The following CDH4 variants were observed in gnomAD, a reference collection of about 807,000 sequenced individuals.
CDH4 encodes cadherin 4.
A neutral mutation model predicts 86.0 loss-of-function variants in CDH4; 33 were observed. The observed-to-expected ratio is 0.38, with a 90% CI of 0.29 to 0.51. The LOEUF is 0.51. CDH4 is among the 20% of genes least tolerant of loss of function. The probability of loss-of-function intolerance (pLI) is 0.86; values close to 1 mark genes in which losing one functional copy is unlikely to be tolerated. For synonymous variants in CDH4, 555 were observed against 549.4 expected, an observed-to-expected ratio of 1.01 and a Z score of -0.14; for missense variants, 1,114 against 1,307.4, an observed-to-expected ratio of 0.85 and a Z score of 2.28.
chr20:61,693,262 G>A (rs986514825), intron 2 of CDH4, among the ~76,000 whole-genome samples: 1 of 150,718 alleles, frequency 6.6e-6, no homozygotes, highest in Non-Finnish European at 1.5e-5. Flanking sequence ...GGGCCACGTC[G>A]GGCCTGTTCC....
intron 9 of CDH4, among the ~76,000 whole-genome samples, chr20:61,920,079 A>ATTGGAAGCGTGGTGTTG (rs2054955565): frequency 3.2e-4 from 1 of 3,144 alleles, no homozygotes; most frequent in Non-Finnish European, 7.6e-4. Flanking sequence ...GCGTGGTGTC[A>ATTGGAAGCGTGGTGTTG]CGGTGATTGC....
chr20:61,334,272 G>C (rs1478151532), intron 2 of CDH4, among the ~76,000 whole-genome samples: 1 of 152,110 alleles, frequency 6.6e-6, no homozygotes, highest in East Asian at 1.9e-4. Context: ...TCCTATTTTT[G>C]TGGTGTCTCA....
chr20:61,809,094 C>T (rs375402529), intron 4 of CDH4, among the ~76,000 whole-genome samples: 36 of 152,344 alleles, frequency 2.4e-4, no homozygotes, highest in African/African-American at 8.4e-4. Flanking sequence ...GCTGCAGGCA[C>T]GTGGCCAGGG....
At chr20:61,740,264 G>A (rs1233281595) in intron 2 of CDH4, among the ~76,000 whole-genome samples, 11 of 152,162 alleles carry the variant, frequency 7.2e-5, no homozygotes, top group Non-Finnish European at 1.6e-4. Context: ...ATAGGATATG[G>A]GGAGGAGTCC....
chr20:61,438,243 A>T (rs6061997), intron 2 of CDH4, among the ~76,000 whole-genome samples: 25,911 of 151,912 alleles, frequency 0.17, 2,285 homozygotes, highest in African/African-American at 0.18. Context: ...ATTGTTTTTT[A>T]AAAAAAATTA....
chr20:61,314,089 C>T (rs2084462950), intron 2 of CDH4, among the ~76,000 whole-genome samples: 1 of 152,234 alleles, frequency 6.6e-6, no homozygotes, highest in African/African-American at 2.4e-5. Flanking sequence ...CAGTTCACAT[C>T]TCCATCACTT....
At chr20:61,844,177 C>T (rs939814903) in intron 4 of CDH4, among the ~76,000 whole-genome samples, 2 of 152,208 alleles carry the variant, frequency 1.3e-5, no homozygotes, top group African/African-American at 4.8e-5. Flanking sequence ...TTTCCTCCCC[C>T]AGTTAGCAGC....
chr20:61,531,733 G>A (rs1029293284), intron 2 of CDH4, among the ~76,000 whole-genome samples: 1 of 152,200 alleles, frequency 6.6e-6, no homozygotes, highest in Non-Finnish European at 1.5e-5. Flanking sequence ...CAGGGGCCAC[G>A]GATTGGCTTT....
At chr20:61,493,431 T>G (rs1219393839) in intron 2 of CDH4, among the ~76,000 whole-genome samples, 2 of 152,374 alleles carry the variant, frequency 1.3e-5, no homozygotes, top group East Asian at 3.9e-4. Flanking sequence ...TCATCACCTC[T>G]GTTGCCCCAT....
intron 4 of CDH4, among the ~76,000 whole-genome samples, chr20:61,776,773 C>G (rs2145991640): frequency 6.6e-6 from 1 of 152,340 alleles, no homozygotes; most frequent in African/African-American, 2.4e-5. Context: ...GGATGAGCGT[C>G]TCGGGACTGG....
chr20:61,411,371 C>T (rs2085118529), intron 2 of CDH4, among the ~76,000 whole-genome samples: 1 of 149,418 alleles, frequency 6.7e-6, no homozygotes, highest in Non-Finnish European at 1.5e-5. Flanking sequence ...CTGCCTCAGT[C>T]ACTCCCTCAT....
At chr20:61,824,020 G>A (rs778806800) in intron 4 of CDH4, among the ~76,000 whole-genome samples, 1 of 152,148 alleles carries the variant, frequency 6.6e-6, no homozygotes, top group Non-Finnish European at 1.5e-5. Flanking sequence ...TATTTTGTTT[G>A]CCACTGTTAA....
At chr20:61,906,830 G>A (rs1332014172) in intron 8 of CDH4, among the ~76,000 whole-genome samples, 2 of 152,182 alleles carry the variant, frequency 1.3e-5, no homozygotes, top group Non-Finnish European at 2.9e-5. Context: ...CCAGTGGTGT[G>A]TGCTGTGGGG....
intron 2 of CDH4, among the ~76,000 whole-genome samples, chr20:61,553,596 T>C (rs2086151975): frequency 1.3e-5 from 2 of 152,246 alleles, no homozygotes; most frequent in African/African-American, 4.8e-5. Context: ...AGGGAATGCC[T>C]GCACCCTGCT....
At chr20:61,508,354 C>A (rs1006192989) in intron 2 of CDH4, among the ~76,000 whole-genome samples, 1 of 152,218 alleles carries the variant, frequency 6.6e-6, no homozygotes, top group African/African-American at 2.4e-5. Context: ...GTGACCGGGG[C>A]CACTTCTCGT....
rs944796689 is a variant in CDH4 at position 61,754,188 on chromosome 20, C to T, written c.396+10399C>T. On this transcript the variant is annotated intron_variant, in intron 3 of 15. Coordinates refer to ENST00000614565, the MANE Select transcript of CDH4 (RefSeq NM_001794.5). The surrounding 1 kb of genome is among the most constrained non-coding windows in gnomAD (Gnocchi z 4.7). ...GCTGCAACATCTTGATTTTGGACTT[C>T]TGGCCTCCAGAGCTGTTAAGGGAAT... 1.3e-5 allele frequency among the ~76,000 whole-genome samples: 2 copies of T among 152,194 alleles called. No homozygotes were observed. Among genetic ancestry groups the T allele is most frequent in the Admixed American group, 6.5e-5 (1 of 15,288 alleles).
At chr20:61,336,494 A>G (rs1251861462) in intron 2 of CDH4, among the ~76,000 whole-genome samples, 1 of 151,770 alleles carries the variant, frequency 6.6e-6, no homozygotes, top group East Asian at 1.9e-4. Flanking sequence ...TCAGCACAAT[A>G]CCTATTCCTT....
At chr20:61,906,173 G>A (rs2122910940) in intron 8 of CDH4, among the ~76,000 whole-genome samples, 1 of 152,344 alleles carries the variant, frequency 6.6e-6, no homozygotes, top group East Asian at 1.9e-4. Context: ...CAGGGGTGGA[G>A]AACAAGGATC....
At chr20:61,526,836 T>A (rs955065519) in intron 2 of CDH4, among the ~76,000 whole-genome samples, 1 of 152,172 alleles carries the variant, frequency 6.6e-6, no homozygotes, top group Non-Finnish European at 1.5e-5. Context: ...TTAAAAAGGT[T>A]GCTGTCAAAA....
Sources: gnomAD v4.1 joint callset for allele counts (sites outside exome capture counted in the v4.1 genomes callset) on GRCh38, gnomAD v4.1.1 for gene constraint, Gnocchi (gnomAD v3.1) non-coding constraint, MANE v1.5 for transcripts, NCBI Gene and HGNC (gene_info 2026-07-23, HGNC 2026-07-21) for gene names.